ACTR3C: variants seen among roughly 807,000 people sequenced by gnomAD.
The protein encoded by ACTR3C is actin-related protein 3C.
Under a neutral mutation model 26.3 loss-of-function variants are expected in ACTR3C, and 18 were observed. The ratio of observed to expected loss-of-function variants is 0.68; its 90% CI spans 0.47 to 1.01. The LOEUF (loss-of-function observed/expected upper bound fraction) is 1.01. Among genes scored for constraint, ACTR3C ranks in the 50% least tolerant of loss-of-function variants. The pLI is 0.00. For missense variants in ACTR3C, 184 were observed against 250.7 expected, an observed-to-expected ratio of 0.73 and a Z score of 1.80; for synonymous variants, 55 against 94.5, an observed-to-expected ratio of 0.58 and a Z score of 2.42.
the ACTR3C span, among the ~76,000 whole-genome samples, chr7:150,151,188 G>A: frequency 2.3e-5 from 3 of 128,738 alleles, 1 homozygote; most frequent in Non-Finnish European, 5.1e-5. Flanking sequence ...ATTTTTCTTA[G>A]TTTCTATAAC....
At chr7:150,258,967 G>C (rs1023195207) in intron 6 of ACTR3C, among the ~76,000 whole-genome samples, 1 of 151,834 alleles carries the variant, frequency 6.6e-6, no homozygotes, top group African/African-American at 2.4e-5. Flanking sequence ...CCATTGATTT[G>C]ATAAATGTGT....
At chr7:150,098,814 C>T in the ACTR3C span, among the ~76,000 whole-genome samples, 8 of 151,830 alleles carry the variant, frequency 5.3e-5, no homozygotes, top group South Asian at 2.1e-4. Context: ...AGGAAACAAT[C>T]GTCAGTATCT....
the ACTR3C span, among the ~76,000 whole-genome samples, chr7:150,058,924 A>G: frequency 6.6e-6 from 1 of 152,042 alleles, no homozygotes; most frequent in Non-Finnish European, 1.5e-5. Context: ...CCTCAAAAAA[A>G]CAAACAAAAA....
At chr7:150,041,635 C>A in the ACTR3C span, among the ~76,000 whole-genome samples, 5 of 103,666 alleles carry the variant, frequency 4.8e-5, no homozygotes, top group Non-Finnish European at 1.0e-4. Flanking sequence ...GCGGGGGGTG[C>A]CTCCCCCCCC....
At chr7:150,065,430 A>T in the ACTR3C span, among the ~76,000 whole-genome samples, 1 of 152,254 alleles carries the variant, frequency 6.6e-6, no homozygotes, top group East Asian at 1.9e-4. Context: ...ACATGACCAC[A>T]TCATAGTTCT....
the ACTR3C span, among the ~76,000 whole-genome samples, chr7:150,134,677 T>C: frequency 2.6e-5 from 4 of 152,302 alleles, no homozygotes; most frequent in African/African-American, 7.2e-5. Flanking sequence ...GCTTTCATGA[T>C]TCGTCTTTGA....
At chr7:150,212,793 T>C in the ACTR3C span, among the ~76,000 whole-genome samples, 1 of 152,108 alleles carries the variant, frequency 6.6e-6, no homozygotes, top group Non-Finnish European at 1.5e-5. Context: ...CGTGCTCAGA[T>C]GGAGAAGATG....
the ACTR3C span, among the ~76,000 whole-genome samples, chr7:150,163,987 G>C: frequency 6.6e-6 from 1 of 152,242 alleles, no homozygotes; most frequent in South Asian, 2.1e-4. Flanking sequence ...GACACATTAA[G>C]TTAACCATCA....
At chr7:150,081,471 C>G in the ACTR3C span, among the ~76,000 whole-genome samples, 2 of 151,432 alleles carry the variant, frequency 1.3e-5, no homozygotes, top group Admixed American at 6.6e-5. Flanking sequence ...ATAACAGACT[C>G]TTAATAAGCA....
chr7:150,313,519 T>C (rs1034881931), intron 1 of ACTR3C, among the ~76,000 whole-genome samples: 7 of 152,274 alleles, frequency 4.6e-5, no homozygotes, highest in Admixed American at 3.9e-4. Flanking sequence ...ATTGTAAATG[T>C]TTCTTATCAG....
the ACTR3C span, among the ~76,000 whole-genome samples, chr7:150,169,025 T>G: frequency 0.68 from 102,391 of 150,100 alleles, 36,289 homozygotes; most frequent in East Asian, 0.83. Context: ...CCTTTGGGAA[T>G]TAATTAGGTA....
At chr7:150,068,492 A>C in the ACTR3C span, among the ~76,000 whole-genome samples, 4 of 152,092 alleles carry the variant, frequency 2.6e-5, no homozygotes, top group Non-Finnish European at 5.9e-5. Context: ...TGATGCTTAT[A>C]AGAATGGGAC....
the ACTR3C span, among the ~76,000 whole-genome samples, chr7:150,150,243 G>A: frequency 6.6e-6 from 1 of 152,170 alleles, no homozygotes; most frequent in Non-Finnish European, 1.5e-5. Context: ...TGAACCCCTG[G>A]AATTTGGCAA....
chr7:150,234,356 T>C, the ACTR3C span, among the ~76,000 whole-genome samples: 6 of 152,326 alleles, frequency 3.9e-5, no homozygotes, highest in East Asian at 5.8e-4. Context: ...CTAAAGGTTT[T>C]ATCCCTCACT....
the ACTR3C span, among the ~76,000 whole-genome samples, chr7:149,922,828 C>A: frequency 1.1e-4 from 17 of 151,944 alleles, no homozygotes; most frequent in East Asian, 3.3e-3. Flanking sequence ...CTAAATGAAG[C>A]TTTTATGGCA....
the ACTR3C span, among the ~76,000 whole-genome samples, chr7:150,211,922 G>A: frequency 2.0e-5 from 3 of 146,510 alleles, no homozygotes; most frequent in Non-Finnish European, 4.4e-5. Flanking sequence ...TCTGCTGTGC[G>A]CACATTTTGT....
chr7:149,989,869 T>G, the ACTR3C span, among the ~76,000 whole-genome samples: 1 of 152,196 alleles, frequency 6.6e-6, no homozygotes, highest in Admixed American at 6.5e-5. Context: ...CTATTTTCCA[T>G]ATGGCTGTAA....
At chr7:149,884,654 AGC>A in the ACTR3C span, among the ~76,000 whole-genome samples, 3 of 152,042 alleles carry the variant, frequency 2.0e-5, no homozygotes, top group African/African-American at 7.2e-5. Flanking sequence ...CTGGGATGGA[AGC>A]CATGTCTATT....
chr7:150,197,435 T>C, the ACTR3C span, among the ~76,000 whole-genome samples: 1 of 152,220 alleles, frequency 6.6e-6, no homozygotes, highest in Non-Finnish European at 1.5e-5. Context: ...TTGTATCTCT[T>C]CTTAGATTTG....
Sources: allele counts gnomAD v4.1 joint callset (sites outside exome capture counted in the v4.1 genomes callset), GRCh38; gene constraint gnomAD v4.1.1; transcripts MANE v1.5; gene names NCBI Gene and HGNC (gene_info 2026-07-23, HGNC 2026-07-21).